C11orf24: variants seen among roughly 807,000 people sequenced by gnomAD.
C11orf24 encodes the protein uncharacterized protein C11orf24.
A neutral mutation model predicts 7.3 loss-of-function variants in C11orf24; 5 were observed. The ratio of observed to expected loss-of-function variants is 0.69; its 90% CI spans 0.36 to 1.45. The LOEUF is 1.45. C11orf24 is among the 40% of genes most tolerant of loss of function. The pLI is 0.03. For synonymous variants in C11orf24, 233 were observed against 235.7 expected (o/e 0.99, Z 0.11); for missense variants, 566 against 590.5 (o/e 0.96, Z 0.43).
intron 1 of C11orf24, among the ~76,000 whole-genome samples, chr11:68,270,039 G>A (rs968387886): frequency 2.6e-4 from 25 of 96,150 alleles, no homozygotes; most frequent in Middle Eastern, 6.0e-3. Context: ...TGTGGGTCTC[G>A]GGACCCCACC....
intron 1 of C11orf24, among the ~76,000 whole-genome samples, chr11:68,271,417 G>A (rs2098567880): frequency 6.6e-6 from 1 of 152,134 alleles, no homozygotes; most frequent in Non-Finnish European, 1.5e-5. Context: ...TGGGGGATAG[G>A]TCTGTGTCAC....
Position 68,262,303 on chromosome 11 carries a change from G to A in C11orf24, c.692C>T (p.Pro231Leu). 6.2e-7 allele frequency: 1 copy of A among 1,613,738 alleles called. No homozygotes were observed. The highest frequency in any genetic ancestry group is 1.1e-5 in the South Asian group (1 of 91,076). The change falls in exon 4 of 4, where the codon CCA becomes CTA. Residue 231 changes from proline (P) to leucine (L), a missense_variant. Transcript: ENST00000304271. ...ANTSSPMSTR[P>L]SPSKHMPSDT... ...ACTGGGCATGTGCTTGGAAGGACTT[G>A]GACGAGTGCTCATGGGGCTGCTTGT...
intron 1 of C11orf24, among the ~76,000 whole-genome samples, chr11:68,270,004 C>A (rs2098567094): frequency 6.6e-6 from 1 of 151,004 alleles, no homozygotes; most frequent in African/African-American, 2.4e-5. Context: ...GTTTCCCCTG[C>A]AAAGGCTTCA....
intron 2 of C11orf24, among the ~76,000 whole-genome samples, chr11:68,266,836 C>A (rs2098565423): frequency 1.3e-5 from 2 of 152,094 alleles, no homozygotes; most frequent in South Asian, 4.1e-4. Flanking sequence ...CAGGCCCGAG[C>A]CCGGGATTTG....
At position 68,268,075 on chromosome 11, in the gene C11orf24, T is replaced by C. The variant is rs1370817749; in HGVS notation, c.-121A>G. The C allele has an allele frequency of 3.9e-5, 6 of 152,356 alleles. No homozygotes were observed. Among genetic ancestry groups the C allele is most frequent in the Non-Finnish European group, 7.3e-5 (5 of 68,176 alleles). 9.4% of individuals were successfully genotyped at this position (152,356 alleles called of 1,614,324 possible). A position where few individuals can be genotyped will look rare whatever the true frequency, so the allele number is the denominator to read the frequency against. Reference sequence around the variant, plus strand: ...TTACCAGAGGCTGCTGCTAAGGGGATGCTCCCAGCCTGGACCATCTTCCTC... The same window carrying C: ...TTACCAGAGGCTGCTGCTAAGGGGACGCTCCCAGCCTGGACCATCTTCCTC... On this transcript the variant is annotated 5_prime_UTR_variant, in exon 2 of 4. Transcript: ENST00000304271.
Position 68,262,045 on chromosome 11 carries a change from A to G in C11orf24, c.950T>C (p.Met317Thr). ...CTGTGTCGTGGGGGACATGGCCTCCATCTCAGGGATTGGGCTGGTGTGAGG... is the reference window on the plus strand; with the variant it reads ...CTGTGTCGTGGGGGACATGGCCTCCGTCTCAGGGATTGGGCTGGTGTGAGG... ...PVPHTSPIPE[M>T]EAMSPTTQPS... Residue 317 changes from methionine to threonine, a missense_variant, in exon 4 of 4, where the codon ATG becomes ACG. Transcript: ENST00000304271. 6.2e-7 allele frequency: 1 copy of G among 1,613,152 alleles called. No homozygotes were observed. Among genetic ancestry groups the G allele is most frequent in the Non-Finnish European group, 8.5e-7 (1 of 1,179,926 alleles).
Position 68,262,142 on chromosome 11 carries a change from C to A in C11orf24, c.853G>T (p.Ala285Ser). The change falls in exon 4 of 4, where the codon GCC becomes TCC. Residue 285 changes from alanine to serine, a missense_variant. Ala to Ser is a moderately conservative substitution (Grantham distance 99). Transcript: ENST00000304271. Reference protein sequence around the residue: ...PMPSNTTPEPAPTPTVVTTTK... With the variant: ...PMPSNTTPEPSPTPTVVTTTK... ...GTGGTCACCACTGTGGGGGTGGGGG[C>A]GGGCTCTGGGGTTGTGTTTGAGGGC... 6.3e-7 allele frequency: 1 copy of A among 1,582,898 alleles called. No homozygotes were observed. The highest frequency in any genetic ancestry group is 1.7e-5 in the Admixed American group (1 of 59,420).
At position 68,261,622 on chromosome 11, in the gene C11orf24, C is replaced by CT; in HGVS notation, c.*22dup. The CT allele has an allele frequency of 6.3e-7, 1 of 1,581,728 alleles. No homozygotes were observed. The highest frequency in any genetic ancestry group is 8.6e-7 in the Non-Finnish European group (1 of 1,158,646). The stretch of plus-strand genomic sequence containing the variant: ...GGAAAGGACGAGGAAGGGGCCAGGC[C>CT]TCCCGCCAGGCCCCCGCCCCCCTCA... On this transcript the variant is annotated 3_prime_UTR_variant, in exon 4 of 4. Coordinates refer to ENST00000304271, the MANE Select transcript of C11orf24 (RefSeq NM_022338.4).
intron 2 of C11orf24, among the ~76,000 whole-genome samples, chr11:68,264,618 CCAT>C (rs2098563910): frequency 6.8e-6 from 1 of 146,378 alleles, no homozygotes; most frequent in African/African-American, 2.5e-5. Flanking sequence ...ATCCATCCAT[CCAT>C]CCACCCATCC....
At chr11:68,268,746 A>G (rs2153104303) in intron 1 of C11orf24, among the ~76,000 whole-genome samples, 1 of 152,354 alleles carries the variant, frequency 6.6e-6, no homozygotes, top group Admixed American at 6.5e-5. Context: ...CTTCTACTGC[A>G]GTTTCTTTTA....
chr11:68,266,950 C>A (rs937508634), intron 2 of C11orf24, among the ~76,000 whole-genome samples: 46 of 152,114 alleles, frequency 3.0e-4, no homozygotes, highest in Non-Finnish European at 1.9e-4. Flanking sequence ...CCTTCTGCTG[C>A]CCCCTCACTA....
At position 68,262,246 on chromosome 11, in the gene C11orf24, C is replaced by T. The variant is rs147283671; in HGVS notation, c.749G>A (p.Arg250His). The change falls in exon 4 of 4, where the codon CGT becomes CAT. Residue 250 changes from arginine (R) to histidine (H), a missense_variant. Transcript: ENST00000304271. ...GCTAATGGGACCTTGTGCTTGGGGA[C>T]GCATAGGGGGTACAGGGCTTGCCGC... Reference protein sequence around the residue: ...DTAASPVPPMRPQAQGPISQV... With the variant: ...DTAASPVPPMHPQAQGPISQV... 5.1e-5 allele frequency: 83 copies of T among 1,612,972 alleles called. No individual in the cohort carries two copies. The South Asian group carries it at 5.3e-4, about 10-fold the overall frequency.
At chr11:68,264,414 C>A (rs2098563506) in intron 2 of C11orf24, among the ~76,000 whole-genome samples, 1 of 151,486 alleles carries the variant, frequency 6.6e-6, no homozygotes, top group Non-Finnish European at 1.5e-5. Flanking sequence ...ATCTGTCCAT[C>A]CATCCATCCA....
At chr11:68,263,597 C>A (rs1041244205) in intron 3 of C11orf24, 95 bp downstream of exon 3, 2 of 1,176,560 alleles carry the variant, frequency 1.7e-6, no homozygotes, top group Non-Finnish European at 2.5e-6. Flanking sequence ...GTTCCTGACG[C>A]GTTGGCCTGG....
chr11:68,266,889 C>A (rs1485672187), intron 2 of C11orf24, among the ~76,000 whole-genome samples: 1 of 152,114 alleles, frequency 6.6e-6, no homozygotes, highest in African/African-American at 2.4e-5. Context: ...GTGGCAGGGG[C>A]TTCTTATGGG....
rs781076560 is a variant in C11orf24, at chr11:68,262,810, G to A, written c.185C>T (p.Pro62Leu). ...CGAAGTCCCTTTGGTCAATGTGACA[G>A]GAGAAGCTGCTGCCATGGTTACATC... ...SEDVTMAAAS[P>L]VTLTKGTSAA... The change falls in exon 4 of 4, where the codon CCT becomes CTT. Residue 62 changes from proline (P) to leucine (L), a missense_variant. Transcript: ENST00000304271. 6 of 1,614,198 alleles carry A rather than the reference G, an allele frequency of 3.7e-6. No homozygotes were observed. Among genetic ancestry groups the A allele is most frequent in the Non-Finnish European group, 5.1e-6 (6 of 1,180,038 alleles).
At position 68,261,614 on chromosome 11, in the gene C11orf24, G is replaced by A. The variant is rs777857100; in HGVS notation, c.*31C>T. 7 of 1,573,194 alleles carry A rather than the reference G, an allele frequency of 4.4e-6. No individual in the cohort carries two copies. The Admixed American group carries it at 5.3e-5, about 12-fold the overall frequency. ...AGGCAAAAGGAAAGGACGAGGAAGGGGCCAGGCCTCCCGCCAGGCCCCCGC... is the reference window on the plus strand; with the variant it reads ...AGGCAAAAGGAAAGGACGAGGAAGGAGCCAGGCCTCCCGCCAGGCCCCCGC... On this transcript the variant is annotated 3_prime_UTR_variant, in exon 4 of 4. Coordinates refer to ENST00000304271, the MANE Select transcript of C11orf24 (RefSeq NM_022338.4).
At chr11:68,265,734 C>T (rs2098564755) in intron 2 of C11orf24, among the ~76,000 whole-genome samples, 1 of 152,176 alleles carries the variant, frequency 6.6e-6, no homozygotes, top group Non-Finnish European at 1.5e-5. Context: ...GCAATCTTCC[C>T]ACCTTGGCCT....
At chr11:68,266,136 C>T (rs1012097824) in intron 2 of C11orf24, among the ~76,000 whole-genome samples, 3 of 152,226 alleles carry the variant, frequency 2.0e-5, no homozygotes, top group African/African-American at 7.2e-5. Flanking sequence ...CGTTCCAACT[C>T]CAGCTCCCAT....
Sources: allele counts gnomAD v4.1 joint callset (sites outside exome capture counted in the v4.1 genomes callset), GRCh38; gene constraint gnomAD v4.1.1; transcripts MANE v1.5; gene names NCBI Gene and HGNC (gene_info 2026-07-23, HGNC 2026-07-21).